The following COLQ variants were observed in gnomAD, a reference collection of about 807,000 sequenced individuals.
The protein encoded by COLQ is acetylcholinesterase collagenic tail peptide.
Under a neutral mutation model 69.0 loss-of-function variants are expected in COLQ, and 48 were observed. That is an observed-to-expected ratio of 0.70 (90% confidence interval 0.55 to 0.88). The LOEUF (loss-of-function observed/expected upper bound fraction) is 0.88, where lower values mean the gene tolerates loss of function less well. Among genes scored for constraint, COLQ ranks in the 40% least tolerant of loss-of-function variants. The pLI is 0.00. For synonymous variants in COLQ, 217 were observed against 211.2 expected (o/e 1.03, Z -0.24); for missense variants, 618 against 594.6 (o/e 1.04, Z -0.41).
At chr3:15,495,978 T>C (rs1465067879) in intron 1 of COLQ, among the ~76,000 whole-genome samples, 1 of 152,226 alleles carries the variant, frequency 6.6e-6, no homozygotes, top group Non-Finnish European at 1.5e-5. Context: ...CCTGGGAGGC[T>C]GGCAGGCCCA....
chr3:15,451,768 C>G (rs2061946458), intron 16 of COLQ, 55 bp from the exon 17 acceptor site: 1 of 1,483,888 alleles, frequency 6.7e-7, no homozygotes, highest in Admixed American at 1.7e-5. Flanking sequence ...CTGGTGACTT[C>G]CGGTCAAACC....
intron 6 of COLQ, among the ~76,000 whole-genome samples, chr3:15,476,380 C>T (rs966538030): frequency 4.6e-5 from 7 of 152,194 alleles, no homozygotes; most frequent in African/African-American, 1.4e-4. Flanking sequence ...CAACATTCCA[C>T]GGGCTTGAGG....
At chr3:15,483,657 T>C (rs975754211) in intron 3 of COLQ, among the ~76,000 whole-genome samples, 3 of 152,200 alleles carry the variant, frequency 2.0e-5, no homozygotes, top group African/African-American at 7.2e-5. Context: ...TTGGAATAAG[T>C]GTGATGTGGT....
At chr3:15,478,831 C>T in intron 5 of COLQ, 146 bp downstream of exon 5, 1 of 951,086 alleles carries the variant, frequency 1.1e-6, no homozygotes, top group Non-Finnish European at 1.7e-6. Flanking sequence ...TTACTACTGT[C>T]ACCATCGAGA....
Position 15,459,547 on chromosome 3 carries a change from C to T in COLQ, c.815-1222G>A, listed in dbSNP as rs1389957842. ...AGGGTGAAGTGCAGTGGTGTAATCT[C>T]AGCTCACTGCAACCTCCGCCTCTCA... On this transcript the variant is annotated intron_variant, in intron 12 of 16. Coordinates refer to ENST00000383788, the MANE Select transcript of COLQ (RefSeq NM_005677.4). Among the ~76,000 whole-genome samples, 3 of 148,450 alleles carry T rather than the reference C, an allele frequency of 2.0e-5. No homozygotes were observed. In the South Asian group the frequency reaches 6.4e-4, roughly 32 times the overall value.
chr3:15,494,089 G>T (rs1037299859), intron 1 of COLQ, among the ~76,000 whole-genome samples: 7 of 152,192 alleles, frequency 4.6e-5, no homozygotes, highest in African/African-American at 1.7e-4. Context: ...AGTGACTGTT[G>T]GGGTCAGGAT....
chr3:15,500,732 ATTCTCTGGCAT>A lies in COLQ; in HGVS notation c.107-11106_107-11096del, dbSNP rs2062819054. ...GTCTCTCTATCTATAACTTTGTCTC[ATTCTCTGGCAT>A]TGTCTCTGTCTTTCCAAGCATGCAC... On this transcript the variant is annotated intron_variant, in intron 1 of 16. Coordinates refer to ENST00000383788, the MANE Select transcript of COLQ (RefSeq NM_005677.4). Among the ~76,000 whole-genome samples, 3 of 152,030 alleles carry A rather than the reference ATTCTCTGGCAT, an allele frequency of 2.0e-5. No homozygotes were observed. The South Asian group carries it at 6.2e-4, about 32-fold the overall frequency.
chr3:15,453,368 G>A (rs1239020672), intron 16 of COLQ, among the ~76,000 whole-genome samples: 1 of 152,242 alleles, frequency 6.6e-6, no homozygotes, highest in Non-Finnish European at 1.5e-5. Context: ...GATCTCACTT[G>A]CAGTCACAGG....
intron 3 of COLQ, 79 bp downstream of exon 3, chr3:15,488,127 G>T: frequency 9.8e-7 from 1 of 1,017,856 alleles, no homozygotes; most frequent in Non-Finnish European, 1.5e-6. Flanking sequence ...AGAAAGAGCA[G>T]ACACTAAGAG....
chr3:15,474,662 T>C (rs181677164), intron 8 of COLQ, among the ~76,000 whole-genome samples: 25 of 152,358 alleles, frequency 1.6e-4, no homozygotes, highest in Non-Finnish European at 3.5e-4. Context: ...GCTTATTCTC[T>C]ACCTGGCACG....
intron 15 of COLQ, among the ~76,000 whole-genome samples, chr3:15,455,523 C>T (rs2062011410): frequency 6.6e-6 from 1 of 152,200 alleles, no homozygotes. Flanking sequence ...AGATTCTTGG[C>T]CTCTCCCTTT....
chr3:15,512,660 C>A (rs1357963468), intron 1 of COLQ, among the ~76,000 whole-genome samples: 2 of 151,698 alleles, frequency 1.3e-5, no homozygotes, highest in East Asian at 3.9e-4. Context: ...GGAAAAAGAT[C>A]TGACCTCTTG....
Position 15,451,200 on chromosome 3 carries a change from T to C in COLQ, c.*444A>G, listed in dbSNP as rs1052089682. On this transcript the variant is annotated 3_prime_UTR_variant, in exon 17 of 17. Coordinates refer to ENST00000383788, the MANE Select transcript of COLQ (RefSeq NM_005677.4). ...AGACCCGACAGCGGGCTGCCCAGTGTGAGTGAGAATGCCTGCACGTTTCGG... is the reference window on the plus strand; with the variant it reads ...AGACCCGACAGCGGGCTGCCCAGTGCGAGTGAGAATGCCTGCACGTTTCGG... The C allele has an allele frequency of 8.3e-6, 2 of 239,678 alleles. No individual in the cohort carries two copies. Among genetic ancestry groups the C allele is most frequent in the Non-Finnish European group, 1.7e-5 (2 of 119,304 alleles). The allele number at this position is 239,678 out of a possible 1,614,324, so 14.8% of individuals were successfully genotyped here.
intron 16 of COLQ, 29 bp downstream of exon 16, chr3:15,453,800 G>C: frequency 7.2e-7 from 1 of 1,397,500 alleles, no homozygotes; most frequent in Non-Finnish European, 1.0e-6. Flanking sequence ...GAAAGAAGGG[G>C]GAGAGGGAGG....
chr3:15,479,499 G>C (rs1183464593), intron 3 of COLQ, 117 bp from the exon 4 acceptor site: 69 of 988,972 alleles, frequency 7.0e-5, no homozygotes, highest in Middle Eastern at 5.6e-4. Context: ...GGCAGATGTA[G>C]GGCTCCAGGG....
chr3:15,503,954 T>C (rs1389442887), intron 1 of COLQ, among the ~76,000 whole-genome samples: 1 of 152,148 alleles, frequency 6.6e-6, no homozygotes, highest in Non-Finnish European at 1.5e-5. Context: ...GAATCACGTC[T>C]TTCCAATCAA....
At chr3:15,476,976 C>T in intron 6 of COLQ, 150 bp downstream of exon 6, 1 of 807,920 alleles carries the variant, frequency 1.2e-6, no homozygotes, top group Non-Finnish European at 2.1e-6. Flanking sequence ...GAGGAAGTAT[C>T]TGGGGCCCTG....
intron 3 of COLQ, 35 bp downstream of exon 3, chr3:15,488,170 GA>G (rs2062605124): frequency 1.3e-6 from 2 of 1,481,586 alleles, no homozygotes; most frequent in South Asian, 2.3e-5. Flanking sequence ...GCTCTAAACA[GA>G]AGACAGCGAG....
intron 16 of COLQ, among the ~76,000 whole-genome samples, chr3:15,453,077 C>T (rs1228260532): frequency 2.6e-5 from 4 of 152,194 alleles, no homozygotes; most frequent in Admixed American, 2.6e-4. Context: ...TTCCTGAGAA[C>T]GTTGTACAAC....
Sources: gnomAD v4.1 joint callset for allele counts (sites outside exome capture counted in the v4.1 genomes callset) on GRCh38, gnomAD v4.1.1 for gene constraint, MANE v1.5 for transcripts, NCBI Gene and HGNC (gene_info 2026-07-23, HGNC 2026-07-21) for gene names.